Variants in ZNF385B observed in about 807,000 individuals in gnomAD.
The protein encoded by ZNF385B is zinc finger protein 385B, also known as zinc finger protein 533.
A neutral mutation model predicts 39.2 loss-of-function variants in ZNF385B; 23 were observed. The observed-to-expected ratio is 0.59, with a 90% CI of 0.42 to 0.83. The LOEUF (loss-of-function observed/expected upper bound fraction) is 0.83. Ranked by LOEUF, ZNF385B falls within the 40% of genes least tolerant of loss-of-function variation. ZNF385B has a pLI of 0.00. For synonymous variants in ZNF385B, 205 were observed against 222.6 expected, an observed-to-expected ratio of 0.92 and a Z score of 0.70; for missense variants, 552 against 598.9, an observed-to-expected ratio of 0.92 and a Z score of 0.82.
chr2:179,761,514 A>G (rs942321377), intron 3 of ZNF385B, among the ~76,000 whole-genome samples: 4 of 152,034 alleles, frequency 2.6e-5, no homozygotes, highest in African/African-American at 7.2e-5. Context: ...GTGATTATAA[A>G]TGGTATTTGC....
rs11282329 is a variant in ZNF385B at position 179,760,223 on chromosome 2, C to CGCGTGTGTGT, written c.298+9279_298+9280insACACACACGC. 8.2e-4 allele frequency among the ~76,000 whole-genome samples: 119 copies of CGCGTGTGTGT among 144,546 alleles called. 2 individuals carry two copies. Among genetic ancestry groups the CGCGTGTGTGT allele is most frequent in the Middle Eastern group, 3.5e-3 (1 of 282 alleles). The allele number at this position is 144,546 out of a possible 152,430, so 94.8% of individuals were successfully genotyped here. ...CCAGTATTACCTGGATTCCTGTGTGCGTGTGTGTGTGTGTGTGTGTGTGTG... is the reference window on the plus strand; with the variant it reads ...CCAGTATTACCTGGATTCCTGTGTGCGCGTGTGTGTGTGTGTGTGTGTGTGTGTGTGTGTG... On this transcript the variant is annotated intron_variant, in intron 3 of 9. Transcript: ENST00000410066.
In ZNF385B at chr2:179,791,243, G is replaced by A. The variant is rs77848543; in HGVS notation, c.-154-20571C>T. On this transcript the variant is annotated intron_variant, in intron 1 of 9. Coordinates refer to ENST00000410066, the MANE Select transcript of ZNF385B (RefSeq NM_152520.6). ...TTTCATTGCAAATAATCGGAAATGA[G>A]CCCCAAACAAATAAACAGTAGCAAG... Among the ~76,000 whole-genome samples the A allele has an allele frequency of 5.6e-3, 860 of 152,238 alleles. 5 individuals are homozygous for A. Among genetic ancestry groups the A allele is most frequent in the African/African-American group, 0.02 (824 of 41,534 alleles).
intron 3 of ZNF385B, among the ~76,000 whole-genome samples, chr2:179,676,742 G>T (rs1330493919): frequency 6.6e-6 from 1 of 152,144 alleles, no homozygotes; most frequent in East Asian, 1.9e-4. Flanking sequence ...CACTGGGGGG[G>T]ATTTTGTCCC....
intron 4 of ZNF385B, among the ~76,000 whole-genome samples, chr2:179,526,487 C>T (rs1465750523): frequency 5.3e-5 from 8 of 151,562 alleles, no homozygotes; most frequent in Non-Finnish European, 1.2e-4. Flanking sequence ...CCCAGCTACT[C>T]GGGAGGCTGA....
chr2:179,533,823 A>C (rs2059404838), intron 4 of ZNF385B, among the ~76,000 whole-genome samples: 1 of 152,206 alleles, frequency 6.6e-6, no homozygotes, highest in South Asian at 2.1e-4. Flanking sequence ...TTTGGAAGTC[A>C]ACAGTATTTT....
intron 1 of ZNF385B, among the ~76,000 whole-genome samples, chr2:179,777,866 G>A (rs1244306546): frequency 6.6e-6 from 1 of 150,806 alleles, no homozygotes; most frequent in Non-Finnish European, 1.5e-5. Context: ...TCTGCCTCCT[G>A]GGTTCAAGCA....
chr2:179,497,159 G>A (rs1050217282), intron 5 of ZNF385B, among the ~76,000 whole-genome samples: 2 of 152,166 alleles, frequency 1.3e-5, no homozygotes, highest in African/African-American at 4.8e-5. Flanking sequence ...GCTAAAGAGA[G>A]TATGTCAGAA....
At chr2:179,634,651 C>A (rs1691564856) in intron 3 of ZNF385B, among the ~76,000 whole-genome samples, 1 of 152,246 alleles carries the variant, frequency 6.6e-6, no homozygotes, top group Non-Finnish European at 1.5e-5. Flanking sequence ...GTGGCGATTC[C>A]TCAAGGATCT....
chr2:179,806,077 CT>C (rs1318268677), intron 1 of ZNF385B, among the ~76,000 whole-genome samples: 1 of 151,800 alleles, frequency 6.6e-6, no homozygotes, highest in Non-Finnish European at 1.5e-5. Flanking sequence ...TATAACCATA[CT>C]AAAAATTTTA....
chr2:179,470,486 C>A (rs973744987), intron 6 of ZNF385B, among the ~76,000 whole-genome samples: 1 of 151,778 alleles, frequency 6.6e-6, no homozygotes, highest in Admixed American at 6.6e-5. Flanking sequence ...ATGGTTTGGC[C>A]CCCCCGGGCT....
In ZNF385B at chr2:179,829,793, G is replaced by A. The variant is rs567825726; in HGVS notation, c.-155+31308C>T. Among the ~76,000 whole-genome samples, 35 of 152,288 alleles carry A rather than the reference G, an allele frequency of 2.3e-4. No individual in the cohort carries two copies. The East Asian group carries it at 5.8e-3, about 25-fold the overall frequency. On this transcript the variant is annotated intron_variant, in intron 1 of 9. Transcript: ENST00000410066. Reference sequence around the variant, plus strand: ...CTCCCAAAGTGCTGGGATTACAGGCGTGACCCACCGCGCCCGGCCTGGATA... The same window carrying A: ...CTCCCAAAGTGCTGGGATTACAGGCATGACCCACCGCGCCCGGCCTGGATA...
intron 1 of ZNF385B, among the ~76,000 whole-genome samples, chr2:179,841,315 A>G (rs1708523274): frequency 6.6e-6 from 1 of 152,156 alleles, no homozygotes; most frequent in Admixed American, 6.5e-5. Context: ...GAGAGTTTTG[A>G]TACAAGAGAT....
chr2:179,493,371 G>T (rs2055457574), intron 5 of ZNF385B, among the ~76,000 whole-genome samples: 1 of 125,964 alleles, frequency 7.9e-6, no homozygotes, highest in African/African-American at 2.6e-5. Flanking sequence ...ATGTAGGTTT[G>T]TGTGCGCGCG....
intron 6 of ZNF385B, among the ~76,000 whole-genome samples, chr2:179,461,396 G>T (rs1173292552): frequency 1.3e-5 from 2 of 152,192 alleles, no homozygotes; most frequent in African/African-American, 4.8e-5. Flanking sequence ...TAGTGGTAGA[G>T]AATTGAGCAG....
At chr2:179,758,047 C>T (rs1703153877) in intron 3 of ZNF385B, among the ~76,000 whole-genome samples, 1 of 152,164 alleles carries the variant, frequency 6.6e-6, no homozygotes, top group South Asian at 2.1e-4. Context: ...CCATCTTCTG[C>T]ATCACTCACG....
intron 3 of ZNF385B, among the ~76,000 whole-genome samples, chr2:179,649,032 G>C (rs1007542843): frequency 6.6e-6 from 1 of 152,054 alleles, no homozygotes; most frequent in Admixed American, 6.6e-5. Context: ...ATCAGTAATG[G>C]GAGAAATTAA....
At chr2:179,643,374 A>G (rs115849543) in intron 3 of ZNF385B, among the ~76,000 whole-genome samples, 6,088 of 152,236 alleles carry the variant, frequency 0.04, 169 homozygotes, top group Middle Eastern at 0.065. Flanking sequence ...TAGTTAAAAG[A>G]TCCATTCAAA....
At chr2:179,650,459 A>T (rs1001274134) in intron 3 of ZNF385B, among the ~76,000 whole-genome samples, 1 of 152,242 alleles carries the variant, frequency 6.6e-6, no homozygotes, top group Non-Finnish European at 1.5e-5. Flanking sequence ...AGTGACATAC[A>T]TTATTCAAGA....
At chr2:179,770,203 T>C (rs942048146) in intron 2 of ZNF385B, among the ~76,000 whole-genome samples, 2 of 152,178 alleles carry the variant, frequency 1.3e-5, no homozygotes, top group African/African-American at 2.4e-5. Context: ...GTGACACCTA[T>C]CAGAGTATGC....
Sources: allele counts gnomAD v4.1 joint callset (sites outside exome capture counted in the v4.1 genomes callset), GRCh38; gene constraint gnomAD v4.1.1; transcripts MANE v1.5; gene names NCBI Gene and HGNC (gene_info 2026-07-23, HGNC 2026-07-21).